The following NIPSNAP3A variants were observed in gnomAD, a reference collection of about 807,000 sequenced individuals.
The protein encoded by NIPSNAP3A is protein NipSnap homolog 3A.
In NIPSNAP3A, 27 loss-of-function variants were observed where a neutral mutation model predicts 32.3. That is an observed-to-expected ratio of 0.84 (90% confidence interval 0.62 to 1.15). The LOEUF is 1.15. Among genes scored for constraint, NIPSNAP3A ranks in the 50% most tolerant of loss-of-function variants. The pLI is 0.00. For missense variants in NIPSNAP3A, 278 were observed against 297.2 expected (o/e 0.94, Z 0.48); for synonymous variants, 108 against 107.3 (o/e 1.01, Z -0.04).
rs375960061 is a variant in NIPSNAP3A, at chr9:104,753,037, T to G, written c.403T>G (p.Cys135Gly). The G allele has an allele frequency of 1.2e-5, 20 of 1,613,462 alleles. No individual in the cohort carries two copies. The African/African-American group carries it at 1.6e-4, about 13-fold the overall frequency. The change falls in exon 3 of 6, where the codon TGC (cysteine) becomes GGC (glycine). Residue 135 changes from cysteine (C) to glycine (G), a missense_variant. Cys to Gly is a radical substitution (Grantham distance 159, BLOSUM62 -3). Transcript: ENST00000374767. ...ESEITYLVPWCKLEKPPKEGV... is the reference protein window; with the variant it reads ...ESEITYLVPWGKLEKPPKEGV... ...TGAGATTACTTATCTGGTACCATGGTGCAAATTAGAAAAACCTCCAAAAGA... is the reference window on the plus strand; with the variant it reads ...TGAGATTACTTATCTGGTACCATGGGGCAAATTAGAAAAACCTCCAAAAGA...
rs1827843208 is a variant in NIPSNAP3A at position 104,751,060 on chromosome 9, T to C, written c.165T>C (p.Asn55=). ...CAAAGATGAATGAGTTCCTGGAAAA[T>C]TTTGAGAAAAACGCTCATCTTCGGA... ...KPSKMNEFLE[N]FEKNAHLRTA... Residue 55 remains asparagine, a synonymous_variant, in exon 2 of 6, where the codon AAT becomes AAC. Transcript: ENST00000374767. 1.9e-6 allele frequency: 3 copies of C among 1,613,956 alleles called. No individual in the cohort carries two copies. Among genetic ancestry groups the C allele is most frequent in the African/African-American group, 1.3e-5 (1 of 74,922 alleles).
At chr9:104,750,833 CA>C in intron 1 of NIPSNAP3A, 122 bp from the exon 2 acceptor site, 1 of 797,324 alleles carries the variant, frequency 1.3e-6, no homozygotes, top group Non-Finnish European at 2.2e-6. Context: ...GAATTGACAA[CA>C]GAAGTACAAA....
chr9:104,747,868 G>A lies in NIPSNAP3A; in HGVS notation c.60+16G>A. ...GGCGCCTCAGGTACCGGCCACGGGG[G>A]TACCCAAGCCTTCACCCGACGGGAG... On this transcript the variant is annotated intron_variant, in intron 1 of 5. Coordinates refer to ENST00000374767, the MANE Select transcript of NIPSNAP3A (RefSeq NM_015469.3). 1 of 1,600,362 alleles carries A rather than the reference G, an allele frequency of 6.2e-7. No individual in the cohort carries two copies. Among genetic ancestry groups the A allele is most frequent in the Non-Finnish European group, 8.5e-7 (1 of 1,175,912 alleles).
intron 3 of NIPSNAP3A, 77 bp from the exon 4 acceptor site, chr9:104,754,474 G>GA: frequency 8.0e-7 from 1 of 1,255,980 alleles, no homozygotes; most frequent in Non-Finnish European, 1.2e-6. Context: ...TGTAGATAGT[G>GA]AAAGACTATT....
At position 104,747,751 on chromosome 9, in the gene NIPSNAP3A, A is replaced by T. The variant is rs1163026002; in HGVS notation, c.-42A>T. On this transcript the variant is annotated 5_prime_UTR_variant, in exon 1 of 6. Transcript: ENST00000374767. Reference sequence around the variant, plus strand: ...GGGAAACCTTCAGAGGAGTCTCAGAAAGGACACGGCTGGCTGCTTTTCTCA... The same window carrying T: ...GGGAAACCTTCAGAGGAGTCTCAGATAGGACACGGCTGGCTGCTTTTCTCA... 6.3e-7 allele frequency: 1 copy of T among 1,587,964 alleles called. No homozygotes were observed. The highest frequency in any genetic ancestry group is 1.8e-5 in the Admixed American group (1 of 56,902).
chr9:104,749,628 G>C (rs1175801203), intron 1 of NIPSNAP3A, among the ~76,000 whole-genome samples: 1 of 152,118 alleles, frequency 6.6e-6, no homozygotes, highest in African/African-American at 2.4e-5. Context: ...TATCACGAAT[G>C]CCTGTGTGTA....
intron 2 of NIPSNAP3A, 111 bp from the exon 3 acceptor site, chr9:104,752,795 C>G: frequency 1.1e-6 from 1 of 912,208 alleles, no homozygotes; most frequent in Non-Finnish European, 1.7e-6. Context: ...AGGCCTAACA[C>G]AAGGTTCTTA....
chr9:104,747,906 G>T, intron 1 of NIPSNAP3A, 54 bp downstream of exon 1: 12 of 1,504,956 alleles, frequency 8.0e-6, no homozygotes, highest in Non-Finnish European at 1.0e-5. Flanking sequence ...GAGGGGCGGG[G>T]CGGGGAGTGT....
At chr9:104,756,814 CTT>C (rs34247948) in intron 4 of NIPSNAP3A, among the ~76,000 whole-genome samples, 2,931 of 114,262 alleles carry the variant, frequency 0.026, 94 homozygotes, top group East Asian at 0.22. Flanking sequence ...TGTTAATATT[CTT>C]TTTTTTTTTT....
intron 1 of NIPSNAP3A, among the ~76,000 whole-genome samples, chr9:104,750,235 T>C (rs1827831177): frequency 6.6e-6 from 1 of 152,234 alleles, no homozygotes; most frequent in African/African-American, 2.4e-5. Context: ...GGAAAACTTT[T>C]GTAAATTTGT....
Position 104,759,141 on chromosome 9 carries a change from T to A in NIPSNAP3A, c.637T>A (p.Ser213Thr). Residue 213 changes from serine to threonine, a missense_variant, in exon 5 of 6, where the codon TCC (serine) becomes ACC (threonine). Coordinates refer to ENST00000374767, the MANE Select transcript of NIPSNAP3A (RefSeq NM_015469.3). The stretch of plus-strand genomic sequence containing the variant: ...TAGTCGTGCAGCTGGGAGACATAAG[T>A]CCCATGAGGATCCCAGAGTTGTGGC... ...ADSRAAGRHK[S>T]HEDPRVVAAV... 1 of 1,613,508 alleles carries A rather than the reference T, an allele frequency of 6.2e-7. No individual in the cohort carries two copies. The highest frequency in any genetic ancestry group is 8.5e-7 in the Non-Finnish European group (1 of 1,179,702).
rs768149281 is a variant in NIPSNAP3A at position 104,752,887 on chromosome 9, A to T, written c.272-19A>T. ...TAAAATTGAATTTTTTATTTTTCTTAATTCTTTTCTTCCCACAGATAATTT... is the reference window on the plus strand; with the variant it reads ...TAAAATTGAATTTTTTATTTTTCTTTATTCTTTTCTTCCCACAGATAATTT... On this transcript the variant is annotated intron_variant, in intron 2 of 5. Transcript: ENST00000374767. The T allele has an allele frequency of 1.2e-5, 19 of 1,603,870 alleles. No individual in the cohort carries two copies.
intron 1 of NIPSNAP3A, 69 bp downstream of exon 1, chr9:104,747,921 G>A (rs1827795858): frequency 6.9e-7 from 1 of 1,443,102 alleles, no homozygotes. Context: ...GAGTGTTCCG[G>A]GTACGTGCGA....
chr9:104,758,813 A>AG (rs1485019301), intron 4 of NIPSNAP3A, among the ~76,000 whole-genome samples: 1 of 151,320 alleles, frequency 6.6e-6, no homozygotes, highest in East Asian at 1.9e-4. Context: ...TACAAAAAAA[A>AG]AAAAAAATTA....
chr9:104,759,484 C>A lies in NIPSNAP3A; in HGVS notation c.*146C>A. 2 of 753,146 alleles carry A rather than the reference C, an allele frequency of 2.7e-6. No homozygotes were observed. Among genetic ancestry groups the A allele is most frequent in the South Asian group, 1.7e-5 (1 of 58,378 alleles). The allele number at this position is 753,146 out of a possible 1,614,324, so 46.7% of individuals were successfully genotyped here. A position where few individuals can be genotyped will look rare whatever the true frequency, so the allele number is the denominator to read the frequency against. ...GTTTCTTGCATTATGAAGGCTACAT[C>A]TGTGCTTTGTAAGTACCACTTCAAA... On this transcript the variant is annotated 3_prime_UTR_variant, in exon 6 of 6. Transcript: ENST00000374767.
At chr9:104,754,791 T>C in intron 4 of NIPSNAP3A, 91 bp downstream of exon 4, 1 of 964,316 alleles carries the variant, frequency 1.0e-6, no homozygotes, top group Non-Finnish European at 1.6e-6. Context: ...ATAGAGTATG[T>C]TTTATTATTT....
At position 104,751,260 on chromosome 9, in the gene NIPSNAP3A, G is replaced by A. The variant is rs1465577429; in HGVS notation, c.271+94G>A. On this transcript the variant is annotated intron_variant, in intron 2 of 5. Transcript: ENST00000374767. ...AAATGTAACATAAAACTTAGTTCTT[G>A]GATGTATATTATTTTAGATACATAC... 4 of 1,124,818 alleles carry A rather than the reference G, an allele frequency of 3.6e-6. No individual in the cohort carries two copies. In the African/African-American group the frequency reaches 6.1e-5, roughly 17 times the overall value. 69.7% of individuals were successfully genotyped at this position (1,124,818 alleles called of 1,614,324 possible).
intron 2 of NIPSNAP3A, among the ~76,000 whole-genome samples, chr9:104,752,542 T>A (rs891854982): frequency 2.6e-5 from 4 of 152,218 alleles, no homozygotes; most frequent in Admixed American, 6.5e-5. Flanking sequence ...TTCTAAACTC[T>A]TTTCATGTGT....
At chr9:104,747,968 C>G (rs1252425202) in intron 1 of NIPSNAP3A, 116 bp downstream of exon 1, 5 of 987,270 alleles carry the variant, frequency 5.1e-6, no homozygotes, top group Non-Finnish European at 5.8e-6. Context: ...CGCGCCCAGA[C>G]CTGGGGCCCC....
Sources: gnomAD v4.1 joint callset for allele counts (sites outside exome capture counted in the v4.1 genomes callset) on GRCh38, gnomAD v4.1.1 for gene constraint, MANE v1.5 for transcripts, NCBI Gene and HGNC (gene_info 2026-07-23, HGNC 2026-07-21) for gene names.